Variants in GPR158 observed in about 807,000 individuals in gnomAD.
The protein encoded by GPR158 is metabotropic glycine receptor.
GPR158 carries 30 observed loss-of-function variants against 78.2 expected under a neutral mutation model. The observed-to-expected ratio is 0.38, with a 90% CI of 0.29 to 0.52. The LOEUF is 0.52. Ranked by LOEUF, GPR158 falls within the 20% of genes least tolerant of loss-of-function variation. The pLI is 0.83. For missense variants in GPR158, 1,463 were observed against 1,523.5 expected (o/e 0.96, Z 0.66); for synonymous variants, 581 against 591.1 (o/e 0.98, Z 0.25).
intron 2 of GPR158, among the ~76,000 whole-genome samples, chr10:25,308,481 G>A (rs549519871): frequency 1.5e-3 from 235 of 152,132 alleles, no homozygotes; most frequent in Non-Finnish European, 2.8e-3. Flanking sequence ...GCCTGTTCAG[G>A]TTTTTTGCCC....
intron 2 of GPR158, among the ~76,000 whole-genome samples, chr10:25,319,543 G>A (rs534905304): frequency 6.6e-5 from 10 of 152,048 alleles, no homozygotes; most frequent in Admixed American, 6.5e-4. Context: ...AATGTGAACG[G>A]GTAAAATTCT....
intron 2 of GPR158, among the ~76,000 whole-genome samples, chr10:25,349,823 A>T (rs1855432354): frequency 7.8e-6 from 1 of 128,904 alleles, no homozygotes; most frequent in African/African-American, 4.4e-5. Flanking sequence ...ATGTCTTTGG[A>T]TAGGGGCATG....
chr10:25,235,689 A>T (rs1261883440), intron 2 of GPR158, among the ~76,000 whole-genome samples: 1 of 145,496 alleles, frequency 6.9e-6, no homozygotes, highest in African/African-American at 2.6e-5. Flanking sequence ...TGTTTTGCAC[A>T]GTAATTTTTT....
chr10:25,300,807 A>G (rs1267977852), intron 2 of GPR158, among the ~76,000 whole-genome samples: 3 of 152,164 alleles, frequency 2.0e-5, no homozygotes, highest in Non-Finnish European at 4.4e-5. Context: ...AAGAAATAGA[A>G]ACATGGAAAT....
chr10:25,263,915 C>A (rs183091523), intron 2 of GPR158, among the ~76,000 whole-genome samples: 1 of 152,100 alleles, frequency 6.6e-6, no homozygotes, highest in Non-Finnish European at 1.5e-5. Flanking sequence ...CCAGCCTCAG[C>A]GACAGAGTGA....
chr10:25,533,313 C>A (rs1267717382), intron 5 of GPR158, among the ~76,000 whole-genome samples: 1 of 152,152 alleles, frequency 6.6e-6, no homozygotes, highest in Non-Finnish European at 1.5e-5. Context: ...TTAAAACCAC[C>A]TGTTAACCTT....
intron 4 of GPR158, among the ~76,000 whole-genome samples, chr10:25,413,595 G>A (rs1405974820): frequency 6.6e-6 from 1 of 152,148 alleles, no homozygotes; most frequent in Non-Finnish European, 1.5e-5. Flanking sequence ...GAGTTGTACA[G>A]ATTGGTTTAG....
At chr10:25,348,820 T>C (rs940099980) in intron 2 of GPR158, among the ~76,000 whole-genome samples, 2 of 152,012 alleles carry the variant, frequency 1.3e-5, no homozygotes, top group African/African-American at 4.8e-5. Flanking sequence ...ATAACAGCCC[T>C]CTTCAGGCCA....
At chr10:25,264,322 A>G (rs1195659799) in intron 2 of GPR158, among the ~76,000 whole-genome samples, 1 of 152,222 alleles carries the variant, frequency 6.6e-6, no homozygotes, top group Non-Finnish European at 1.5e-5. Context: ...GCCAGTTGCC[A>G]TATAAGAAGT....
chr10:25,544,649 A>G (rs1317147582), intron 5 of GPR158, among the ~76,000 whole-genome samples: 2 of 152,168 alleles, frequency 1.3e-5, no homozygotes, highest in African/African-American at 4.8e-5. Context: ...GTCTGTTATG[A>G]AATTTGTCAC....
chr10:25,241,133 CTTT>C (rs1853600614), intron 2 of GPR158, among the ~76,000 whole-genome samples: 1 of 34,712 alleles, frequency 2.9e-5, no homozygotes, highest in Non-Finnish European at 7.4e-5. Flanking sequence ...GATTTTCTTT[CTTT>C]CTTTCTTTCT....
rs576733328 is a variant in GPR158, at chr10:25,423,128, T to TGTATATAC, written c.1335+10656_1335+10663dup. 5.2e-4 allele frequency among the ~76,000 whole-genome samples: 73 copies of TGTATATAC among 140,704 alleles called. 1 individual carries two copies. Among genetic ancestry groups the TGTATATAC allele is most frequent in the African/African-American group, 1.8e-3 (66 of 37,274 alleles). The allele number at this position is 140,704 out of a possible 152,430, so 92.3% of individuals were successfully genotyped here. On this transcript the variant is annotated intron_variant, in intron 4 of 10. Transcript: ENST00000376351. ...ATGTCTACACATATATACATATATA[T>TGTATATAC]GTATATACATATACATATATATGTA...
intron 2 of GPR158, among the ~76,000 whole-genome samples, chr10:25,280,438 A>G (rs1371954585): frequency 2.0e-5 from 3 of 152,212 alleles, no homozygotes; most frequent in East Asian, 3.9e-4. Flanking sequence ...CTAAACTTGT[A>G]TGCACCTAAT....
intron 2 of GPR158, among the ~76,000 whole-genome samples, chr10:25,389,362 C>T (rs1760725): frequency 0.64 from 97,631 of 151,590 alleles, 32,398 homozygotes; most frequent in Non-Finnish European, 0.73. Context: ...ATGGGACATC[C>T]ATTTGCAGAA....
At chr10:25,591,378 C>T (rs1361288857) in intron 8 of GPR158, among the ~76,000 whole-genome samples, 1 of 152,136 alleles carries the variant, frequency 6.6e-6, no homozygotes, top group African/African-American at 2.4e-5. Flanking sequence ...ACGGGAAGTA[C>T]ATGTTAAATA....
intron 3 of GPR158, among the ~76,000 whole-genome samples, chr10:25,402,516 T>C (rs1357619849): frequency 3.3e-5 from 5 of 152,102 alleles, no homozygotes; most frequent in Non-Finnish European, 5.9e-5. Flanking sequence ...GCCCTTTTCA[T>C]AGGACATGCT....
At chr10:25,363,926 C>T (rs567654267) in intron 2 of GPR158, among the ~76,000 whole-genome samples, 21 of 150,934 alleles carry the variant, frequency 1.4e-4, no homozygotes, top group Non-Finnish European at 2.5e-4. Context: ...AGCACTCTAC[C>T]CTTGTCTTCT....
intron 4 of GPR158, among the ~76,000 whole-genome samples, chr10:25,459,707 C>T (rs1835332789): frequency 6.6e-6 from 1 of 152,162 alleles, no homozygotes. Flanking sequence ...GCTTATATCC[C>T]AGGCAAATCT....
intron 2 of GPR158, among the ~76,000 whole-genome samples, chr10:25,386,960 C>T (rs1378292016): frequency 5.3e-5 from 8 of 152,052 alleles, no homozygotes; most frequent in Non-Finnish European, 2.9e-5. Context: ...TTTGGATGCC[C>T]TTTAGTTTTT....
Sources: allele counts gnomAD v4.1 joint callset (sites outside exome capture counted in the v4.1 genomes callset), GRCh38; gene constraint gnomAD v4.1.1; transcripts MANE v1.5; gene names NCBI Gene and HGNC (gene_info 2026-07-23, HGNC 2026-07-21).